POLR2F: variants seen among roughly 807,000 people sequenced by gnomAD.
The protein encoded by POLR2F is RNA polymerase II, I and III subunit F, also known as DNA-directed RNA polymerases I, II, and III subunit RPABC2.
In POLR2F, 12 loss-of-function variants were observed where a neutral mutation model predicts 22.7. The ratio of observed to expected loss-of-function variants is 0.53; its 90% CI spans 0.34 to 0.86. POLR2F has a LOEUF of 0.86. Among genes scored for constraint, POLR2F ranks in the 40% least tolerant of loss-of-function variants. POLR2F has a pLI of 0.02. For missense variants in POLR2F, 126 were observed against 171.5 expected, an observed-to-expected ratio of 0.73 and a Z score of 1.48; for synonymous variants, 57 against 66.0, an observed-to-expected ratio of 0.86 and a Z score of 0.66.
At chr22:38,037,275 T>TATGTTATGTC (rs1182477771) in intron 5 of POLR2F, among the ~76,000 whole-genome samples, 2 of 149,700 alleles carry the variant, frequency 1.3e-5, no homozygotes, top group African/African-American at 2.5e-5. Context: ...TATGTTATGT[T>TATGTTATGTC]ATGTCATGTT....
At chr22:37,992,651 G>A (rs1169554952) in intron 1 of POLR2F, among the ~76,000 whole-genome samples, 1 of 152,054 alleles carries the variant, frequency 6.6e-6, no homozygotes, top group Non-Finnish European at 1.5e-5. Flanking sequence ...CGCCCGCCTC[G>A]GCCTCCCAAA....
chr22:38,033,645 G>T (rs185971346), intron 5 of POLR2F, among the ~76,000 whole-genome samples: 1 of 152,368 alleles, frequency 6.6e-6, no homozygotes, highest in African/African-American at 2.4e-5. Context: ...TGGCCCCGGC[G>T]GAGCGGGAGG....
chr22:37,965,268 A>G (rs1931810345), intron 3 of POLR2F, among the ~76,000 whole-genome samples: 1 of 152,164 alleles, frequency 6.6e-6, no homozygotes, highest in Admixed American at 6.5e-5. Flanking sequence ...CAGCCTCCCA[A>G]AGTGCTGTGA....
At chr22:38,035,455 C>T (rs1295660663) in intron 5 of POLR2F, among the ~76,000 whole-genome samples, 1 of 152,220 alleles carries the variant, frequency 6.6e-6, no homozygotes, top group East Asian at 1.9e-4. Context: ...TCAGGGGTCG[C>T]TCTCTTCCCT....
chr22:38,025,357 TACACACAC>T (rs368756577), intron 1 of POLR2F, among the ~76,000 whole-genome samples: 1 of 151,544 alleles, frequency 6.6e-6, no homozygotes, highest in Non-Finnish European at 1.5e-5. Context: ...AATCACAACG[TACACACAC>T]ACACGCACAG....
At chr22:37,995,025 C>T (rs1026958437) in intron 1 of POLR2F, among the ~76,000 whole-genome samples, 7 of 152,216 alleles carry the variant, frequency 4.6e-5, no homozygotes, top group Non-Finnish European at 1.0e-4. Flanking sequence ...GAGTTGAAAT[C>T]GCAGTGACTG....
downstream of POLR2F, chr22:37,973,800 G>A: frequency 2.5e-6 from 4 of 1,595,254 alleles, no homozygotes; most frequent in Non-Finnish European, 3.4e-6. Context: ...TAGTGTGGGG[G>A]CCCCTGGGGC....
intron 1 of POLR2F, among the ~76,000 whole-genome samples, chr22:38,019,952 T>G: frequency 6.6e-6 from 1 of 151,796 alleles, no homozygotes; most frequent in South Asian, 2.1e-4. Context: ...AGGCAGAGGT[T>G]GCGGTGAGCC....
intron 1 of POLR2F, among the ~76,000 whole-genome samples, chr22:37,999,138 A>G (rs957390533): frequency 1.3e-5 from 2 of 152,062 alleles, no homozygotes; most frequent in African/African-American, 4.8e-5. Context: ...GGGCTCTCCC[A>G]GTCTGCCCCC....
Position 37,986,420 on chromosome 22 carries a change from G to A in POLR2F, c.120+108G>A, listed in dbSNP as rs1210125262. ...GGCCTGAGACCCGCCTGGGGCAGGA[G>A]GGGTGGTTGTGGAAGGAAAGAGCCC... On this transcript the variant is annotated intron_variant, in intron 1 of 2. Coordinates refer to the POLR2F transcript ENST00000333418. This position sits in a 1 kb window ranked among gnomAD's most constrained non-coding sequence, Gnocchi z 4.7. 2 of 1,532,316 alleles carry A rather than the reference G, an allele frequency of 1.3e-6. No individual in the cohort carries two copies. The highest frequency in any genetic ancestry group is 4.9e-5 in the East Asian group (2 of 40,920). The allele number at this position is 1,532,316 out of a possible 1,614,324, so 94.9% of individuals were successfully genotyped here. A position where few individuals can be genotyped will look rare whatever the true frequency, so the allele number is the denominator to read the frequency against.
chr22:38,038,853 C>G (rs2085142903), intron 5 of POLR2F, among the ~76,000 whole-genome samples: 3 of 151,420 alleles, frequency 2.0e-5, no homozygotes, highest in African/African-American at 7.3e-5. Context: ...CCCTCCCTCT[C>G]CCAGCGCCTG....
chr22:37,970,076 G>A (rs1369122461), downstream of POLR2F, among the ~76,000 whole-genome samples: 1 of 151,506 alleles, frequency 6.6e-6, no homozygotes, highest in African/African-American at 2.4e-5. Flanking sequence ...GGCAGATCAC[G>A]AGGTCAGGAG....
At chr22:37,985,056 C>T (rs951759672), upstream of POLR2F, 1 of 152,512 alleles carries the variant, frequency 6.6e-6, no homozygotes, top group Non-Finnish European at 1.5e-5. Context: ...TCCCAGGCAG[C>T]CCTTTCTGCC....
chr22:38,028,524 A>ATG (rs908422813), downstream of POLR2F, among the ~76,000 whole-genome samples: 1 of 151,412 alleles, frequency 6.6e-6, no homozygotes, highest in Non-Finnish European at 1.5e-5. Context: ...GTGTGTGTGC[A>ATG]TGTGTGTGTG....
At chr22:37,998,447 C>G (rs571502809) in intron 1 of POLR2F, among the ~76,000 whole-genome samples, 2 of 152,328 alleles carry the variant, frequency 1.3e-5, no homozygotes, top group East Asian at 3.9e-4. Context: ...TACATCTGGA[C>G]AGGCCTTCTG....
At chr22:37,994,842 A>G (rs1569175457) in intron 1 of POLR2F, among the ~76,000 whole-genome samples, 1 of 152,116 alleles carries the variant, frequency 6.6e-6, no homozygotes, top group Non-Finnish European at 1.5e-5. Flanking sequence ...GGGTTTCACA[A>G]TGTTACCCAA....
intron 1 of POLR2F, among the ~76,000 whole-genome samples, chr22:37,999,648 G>A (rs1002910012): frequency 4.6e-5 from 7 of 152,094 alleles, no homozygotes; most frequent in Admixed American, 6.5e-5. Context: ...TCTGTGGGAC[G>A]CAGAGGCAGT....
chr22:37,991,068 G>C (rs552049228), intron 1 of POLR2F, among the ~76,000 whole-genome samples: 21 of 152,196 alleles, frequency 1.4e-4, no homozygotes, highest in Non-Finnish European at 2.2e-4. Flanking sequence ...GATTGCTTGA[G>C]TCCAGGAGCT....
chr22:38,039,097 G>C (rs2085146532), intron 5 of POLR2F, among the ~76,000 whole-genome samples: 1 of 152,186 alleles, frequency 6.6e-6, no homozygotes, highest in African/African-American at 2.4e-5. Flanking sequence ...TGCCTCCCGG[G>C]AGCGGCTCCC....
Sources: gnomAD v4.1 joint callset for allele counts (sites outside exome capture counted in the v4.1 genomes callset) on GRCh38, gnomAD v4.1.1 for gene constraint, Gnocchi (gnomAD v3.1) non-coding constraint, MANE v1.5 for transcripts, NCBI Gene and HGNC (gene_info 2026-07-23, HGNC 2026-07-21) for gene names.